The following PLCL2 variants were observed in gnomAD, a reference collection of about 807,000 sequenced individuals.
The protein encoded by PLCL2 is inactive phospholipase C-like protein 2.
PLCL2 carries 4 observed loss-of-function variants against 79.6 expected under a neutral mutation model. The ratio of observed to expected loss-of-function variants is 0.05; its 90% confidence interval spans 0.02 to 0.11. The LOEUF (loss-of-function observed/expected upper bound fraction) is 0.11. Ranked by LOEUF, PLCL2 falls within the 10% of genes least tolerant of loss-of-function variation. PLCL2 has a pLI of 1.00. For missense variants in PLCL2, 895 were observed against 1,291.0 expected (o/e 0.69, Z 4.70); for synonymous variants, 484 against 457.7 (o/e 1.06, Z -0.73).
At chr3:16,894,531 GT>G (rs1376725576) in intron 1 of PLCL2, among the ~76,000 whole-genome samples, 4 of 152,146 alleles carry the variant, frequency 2.6e-5, no homozygotes, top group African/African-American at 9.7e-5. Flanking sequence ...TTCCTAACTG[GT>G]CCAGCCAATT....
At position 16,973,417 on chromosome 3, in the gene PLCL2, T is replaced by A. The variant is rs376370519; in HGVS notation, c.328-36257T>A. Among the ~76,000 whole-genome samples, 13 of 151,634 alleles carry A rather than the reference T, an allele frequency of 8.6e-5. No homozygotes were observed. The East Asian group carries it at 2.3e-3, about 27-fold the overall frequency. ...TGATGACTGTGTCTTGGGGATGTCATCTTGTATAGTATTTCACAGGTATTC... is the reference window on the plus strand; with the variant it reads ...TGATGACTGTGTCTTGGGGATGTCAACTTGTATAGTATTTCACAGGTATTC... On this transcript the variant is annotated intron_variant, in intron 1 of 5. Transcript: ENST00000615277.
At chr3:16,990,503 G>A (rs1187203638) in intron 1 of PLCL2, among the ~76,000 whole-genome samples, 1 of 152,172 alleles carries the variant, frequency 6.6e-6, no homozygotes, top group Non-Finnish European at 1.5e-5. Flanking sequence ...TTAAAAGGCA[G>A]CTTTGTGTAG....
intron 1 of PLCL2, among the ~76,000 whole-genome samples, chr3:17,007,673 G>A (rs1322790976): frequency 1.3e-5 from 2 of 152,180 alleles, no homozygotes; most frequent in African/African-American, 4.8e-5. Context: ...TGGAAGTATA[G>A]GTAGTTAGAA....
rs1250708241 is a variant in PLCL2, at chr3:16,967,164, C to A, written c.328-42510C>A. Among the ~76,000 whole-genome samples, 4 of 152,004 alleles carry A rather than the reference C, an allele frequency of 2.6e-5. No individual in the cohort carries two copies. The East Asian group carries it at 5.8e-4, about 22-fold the overall frequency. ...TACCACATTTTCTTTACCCATTCTA[C>A]TGTTGATGGGTATTTAGGTTTATTC... On this transcript the variant is annotated intron_variant, in intron 1 of 5. Transcript: ENST00000615277.
At position 16,962,485 on chromosome 3, in the gene PLCL2, T is replaced by C. The variant is rs1323315765; in HGVS notation, c.328-47189T>C. On this transcript the variant is annotated intron_variant, in intron 1 of 5. Transcript: ENST00000615277. ...TCTTATGCTATTATAGTTCTCAATA[T>C]TAATAATTCAGAGTCAATTGTTTTT... Among the ~76,000 whole-genome samples the C allele has an allele frequency of 2.6e-5, 4 of 151,910 alleles. No homozygotes were observed. The East Asian group carries it at 5.8e-4, about 22-fold the overall frequency.
intron 4 of PLCL2, among the ~76,000 whole-genome samples, chr3:17,057,582 T>C (rs1023487731): frequency 6.6e-6 from 1 of 152,204 alleles, no homozygotes; most frequent in African/African-American, 2.4e-5. Flanking sequence ...AAAACAATTA[T>C]AGTGAAGCTT....
chr3:17,008,093 T>C (rs994208526), intron 1 of PLCL2, among the ~76,000 whole-genome samples: 2 of 152,184 alleles, frequency 1.3e-5, no homozygotes, highest in Non-Finnish European at 2.9e-5. Context: ...GCCTTACTGG[T>C]GATGCTAACT....
At chr3:17,078,903 T>A (rs998415079) in intron 5 of PLCL2, among the ~76,000 whole-genome samples, 4 of 152,204 alleles carry the variant, frequency 2.6e-5, no homozygotes, top group Non-Finnish European at 5.9e-5. Context: ...TGAAAGCCAT[T>A]TCTCTATTTA....
chr3:17,077,285 C>A (rs572305399), intron 5 of PLCL2, among the ~76,000 whole-genome samples: 1 of 152,334 alleles, frequency 6.6e-6, no homozygotes, highest in East Asian at 1.9e-4. Context: ...TTTCCTGTGT[C>A]ATTTCTTTCT....
At chr3:17,071,989 G>C (rs993148568) in intron 5 of PLCL2, among the ~76,000 whole-genome samples, 10 of 152,088 alleles carry the variant, frequency 6.6e-5, no homozygotes, top group Admixed American at 6.5e-4. Context: ...ACCATGCCCA[G>C]CTAATTTTTG....
At chr3:16,912,570 C>T (rs1696906923) in intron 1 of PLCL2, among the ~76,000 whole-genome samples, 1 of 152,100 alleles carries the variant, frequency 6.6e-6, no homozygotes, top group Non-Finnish European at 1.5e-5. Context: ...TACCATTTTT[C>T]TTTGAAGGGA....
intron 1 of PLCL2, among the ~76,000 whole-genome samples, chr3:16,943,862 T>C (rs545838265): frequency 6.6e-6 from 1 of 152,316 alleles, no homozygotes; most frequent in African/African-American, 2.4e-5. Flanking sequence ...GGTAGCTTGA[T>C]TTGTGCAAAT....
intron 1 of PLCL2, among the ~76,000 whole-genome samples, chr3:16,971,578 C>A (rs2063869043): frequency 6.6e-6 from 1 of 152,094 alleles, no homozygotes; most frequent in Non-Finnish European, 1.5e-5. Context: ...TTTTCTAATT[C>A]TGTGAAGAAA....
At chr3:17,051,605 C>T (rs1485322012) in intron 4 of PLCL2, among the ~76,000 whole-genome samples, 1 of 152,052 alleles carries the variant, frequency 6.6e-6, no homozygotes, top group Non-Finnish European at 1.5e-5. Context: ...GGATTTAGGG[C>T]AGGAAAGGAT....
intron 4 of PLCL2, among the ~76,000 whole-genome samples, chr3:17,051,500 T>C (rs1318829186): frequency 6.6e-6 from 1 of 151,926 alleles, no homozygotes; most frequent in Non-Finnish European, 1.5e-5. Flanking sequence ...GATATCTGCC[T>C]GAACAGGTGT....
At chr3:16,969,637 T>C (rs1054313726) in intron 1 of PLCL2, among the ~76,000 whole-genome samples, 2 of 152,068 alleles carry the variant, frequency 1.3e-5, no homozygotes, top group Non-Finnish European at 2.9e-5. Flanking sequence ...TCTTTTTTCT[T>C]CTCTATTAGT....
intron 4 of PLCL2, among the ~76,000 whole-genome samples, chr3:17,045,767 G>A (rs1323153723): frequency 6.6e-6 from 1 of 152,304 alleles, no homozygotes; most frequent in East Asian, 1.9e-4. Context: ...AGGATGTGAG[G>A]TCAGGAATGA....
chr3:16,927,904 A>G (rs561006241), intron 1 of PLCL2, among the ~76,000 whole-genome samples: 1 of 152,328 alleles, frequency 6.6e-6, no homozygotes, highest in Non-Finnish European at 1.5e-5. Context: ...TTTCAATGTG[A>G]TATCTAAAGT....
intron 1 of PLCL2, among the ~76,000 whole-genome samples, chr3:17,004,883 C>A (rs2064245487): frequency 6.6e-6 from 1 of 152,074 alleles, no homozygotes; most frequent in Non-Finnish European, 1.5e-5. Flanking sequence ...TGATCCCCTA[C>A]CTTTCTTTAA....
Sources: gnomAD v4.1 joint callset for allele counts (sites outside exome capture counted in the v4.1 genomes callset) on GRCh38, gnomAD v4.1.1 for gene constraint, MANE v1.5 for transcripts, NCBI Gene and HGNC (gene_info 2026-07-23, HGNC 2026-07-21) for gene names.